The following SMG6 variants were observed in gnomAD, a reference collection of about 807,000 sequenced individuals.
The protein encoded by SMG6 is telomerase-binding protein EST1A.
In SMG6, 66 loss-of-function variants were observed where a neutral mutation model predicts 142.2. The ratio of observed to expected loss-of-function variants is 0.46; its 90% CI spans 0.38 to 0.57. The LOEUF is 0.57. Among genes scored for constraint, SMG6 ranks in the 20% least tolerant of loss-of-function variants. SMG6 has a pLI of 0.00. For synonymous variants in SMG6, 779 were observed against 702.4 expected (o/e 1.11, Z -1.72); for missense variants, 1,793 against 1,832.0 (o/e 0.98, Z 0.39).
chr17:2,296,175 T>C (rs2075138646), intron 4 of SMG6, among the ~76,000 whole-genome samples: 1 of 152,216 alleles, frequency 6.6e-6, no homozygotes, highest in Admixed American at 6.5e-5. Context: ...GCATAGCATA[T>C]GAGAGTTTAT....
At chr17:2,173,860 T>TG (rs1477578987) in intron 12 of SMG6, among the ~76,000 whole-genome samples, 9 of 144,344 alleles carry the variant, frequency 6.2e-5, no homozygotes, top group South Asian at 2.2e-4. Context: ...TTTTTTTTTT[T>TG]TTTTTTTTTT....
rs377078128 is a variant in SMG6 at position 2,065,452 on chromosome 17, T to C, written c.4047+16A>G. The C allele has an allele frequency of 6.2e-7, 1 of 1,607,900 alleles. No homozygotes were observed. Among genetic ancestry groups the C allele is most frequent in the African/African-American group, 1.3e-5 (1 of 74,802 alleles). ...AAGCTGGCTGTGGGCTTTCCCTTCC[T>C]GCCACAGGGTCTCACCAGCTGGCCA... On this transcript the variant is annotated intron_variant, in intron 17 of 18. Transcript: ENST00000263073.
intron 13 of SMG6, among the ~76,000 whole-genome samples, chr17:2,098,772 A>G (rs1366329223): frequency 1.3e-5 from 2 of 152,018 alleles, no homozygotes; most frequent in Non-Finnish European, 2.9e-5. Flanking sequence ...CTGGGATTAC[A>G]GGCACCCGCC....
At chr17:2,118,259 T>C (rs550784291) in intron 13 of SMG6, among the ~76,000 whole-genome samples, 1 of 149,782 alleles carries the variant, frequency 6.7e-6, no homozygotes, top group African/African-American at 2.5e-5. Context: ...ACAACAGGAA[T>C]GGGCGCAGTG....
At chr17:2,140,363 T>G (rs796967982) in intron 13 of SMG6, among the ~76,000 whole-genome samples, 8 of 152,346 alleles carry the variant, frequency 5.3e-5, no homozygotes, top group African/African-American at 1.9e-4. Flanking sequence ...GGCCTGACAC[T>G]TTATTTTTTT....
At chr17:2,163,193 TTA>T (rs1162457515) in intron 13 of SMG6, among the ~76,000 whole-genome samples, 1 of 152,068 alleles carries the variant, frequency 6.6e-6, no homozygotes, top group Non-Finnish European at 1.5e-5. Context: ...AAAGATTATT[TTA>T]TTTATTTTTT....
At position 2,068,740 on chromosome 17, in the gene SMG6, C is replaced by T. The variant is rs772298654; in HGVS notation, c.3835+38G>A. 2 of 1,601,690 alleles carry T rather than the reference C, an allele frequency of 1.2e-6. No individual in the cohort carries two copies. The highest frequency in any genetic ancestry group is 2.2e-5 in the East Asian group (1 of 44,758). On this transcript the variant is annotated intron_variant, in intron 16 of 18. Transcript: ENST00000263073. This position sits in a 1 kb window ranked among gnomAD's most constrained non-coding sequence, Gnocchi z 6.7. Reference sequence around the variant, plus strand: ...GGCGTGTGTGGAGGGGGCTGCTGTGCACATGCAAGGCCGCTCTGCCCTTCC... The same window carrying T: ...GGCGTGTGTGGAGGGGGCTGCTGTGTACATGCAAGGCCGCTCTGCCCTTCC...
In SMG6 at chr17:2,299,151, A is replaced by T; in HGVS notation, c.1602T>A (p.Pro534=). ...AAGGCCCTGGGTACACACCATTCGT[A>T]GGGCCCACTGGGTACTGTAGAGGGT... ...GYNPLQYPVG[P]TNGVYPGPYY... Residue 534 remains proline (P), a synonymous_variant, in exon 2 of 19, where the codon CCT becomes CCA. Transcript: ENST00000263073. The surrounding 1 kb of genome is among the most constrained non-coding windows in gnomAD (Gnocchi z 4.3). 6.2e-7 allele frequency: 1 copy of T among 1,613,024 alleles called. No homozygotes were observed.
intron 13 of SMG6, among the ~76,000 whole-genome samples, chr17:2,136,787 G>T (rs563332857): frequency 6.7e-6 from 1 of 148,758 alleles, no homozygotes; most frequent in African/African-American, 2.5e-5. Flanking sequence ...ATCCTTCTTG[G>T]TAAGTCCTTA....
In SMG6 at chr17:2,303,407, A is replaced by T. The variant is rs2075332028; in HGVS notation, c.88+226T>A. Reference sequence around the variant, plus strand: ...CGGCGAGAAAGAGGGTGGAGGCAGGAATTCGGGCCAGGCTCTCCCGGAGCT... The same window carrying T: ...CGGCGAGAAAGAGGGTGGAGGCAGGTATTCGGGCCAGGCTCTCCCGGAGCT... On this transcript the variant is annotated intron_variant, in intron 1 of 18. Transcript: ENST00000263073. 8 of 1,249,390 alleles carry T rather than the reference A, an allele frequency of 6.4e-6. No individual in the cohort carries two copies. The South Asian group carries it at 2.6e-4, about 40-fold the overall frequency. The allele number at this position is 1,249,390 out of a possible 1,614,324, so 77.4% of individuals were successfully genotyped here.
rs554569364 is a variant in SMG6, at chr17:2,236,545, A to G, written c.2816T>C (p.Met939Thr). 48 of 1,613,592 alleles carry G rather than the reference A, an allele frequency of 3.0e-5. No homozygotes were observed. Among genetic ancestry groups the G allele is most frequent in the Non-Finnish European group, 3.8e-5 (45 of 1,179,848 alleles). Reference sequence around the variant, plus strand: ...CATATTGATGGTCATAAGCTGCAGCATGCGGGTACTTCCAATGGGAGAGGG... The same window carrying G: ...CATATTGATGGTCATAAGCTGCAGCGTGCGGGTACTTCCAATGGGAGAGGG... Reference protein sequence around the residue: ...HSPSPIGSTRMLQLMTINMFA... With the variant: ...HSPSPIGSTRTLQLMTINMFA... Residue 939 changes from methionine to threonine, a missense_variant, in exon 10 of 19, where the codon ATG (methionine) becomes ACG (threonine). Transcript: ENST00000263073.
intron 10 of SMG6, among the ~76,000 whole-genome samples, chr17:2,210,760 AAAAAAAAATAAAAT>A (rs1456887954): frequency 4.5e-5 from 6 of 132,106 alleles, no homozygotes; most frequent in African/African-American, 2.0e-4. Context: ...CAAAAGCTTT[AAAAAAAAATAAAAT>A]AAAAAAAAAA....
chr17:2,079,585 G>A (rs1397107434), intron 15 of SMG6, among the ~76,000 whole-genome samples: 1 of 151,410 alleles, frequency 6.6e-6, no homozygotes, highest in African/African-American at 2.4e-5. Flanking sequence ...GCAGTGAGCT[G>A]AGATCACGAC....
In SMG6 at chr17:2,299,731, T is replaced by G. The variant is rs1885987; in HGVS notation, c.1022A>C (p.Asn341Thr). Residue 341 changes from asparagine (N) to threonine (T), a missense_variant, in exon 2 of 19, where the codon AAC becomes ACC. By Grantham distance (65) the Asn-to-Thr change is moderately conservative (BLOSUM62 0). Coordinates refer to ENST00000263073, the MANE Select transcript of SMG6 (RefSeq NM_017575.5). This position sits in a 1 kb window ranked among gnomAD's most constrained non-coding sequence, Gnocchi z 4.3. Reference sequence around the variant, plus strand: ...AGTGCCTCGATATTCTTTAGCACTGTTTTTCTGCTCACCCTCCCCACGGCC... The same window carrying G: ...AGTGCCTCGATATTCTTTAGCACTGGTTTTCTGCTCACCCTCCCCACGGCC... The part of the protein sequence containing the change: ...WSGRGEGEQK[N>T]SAKEYRGTLR... The G allele has an allele frequency of 0.35, 562,096 of 1,613,934 alleles. 103,675 individuals are homozygous for G. Among genetic ancestry groups the G allele is most frequent in the Admixed American group, 0.42 (25,298 of 59,970 alleles).
chr17:2,065,122 G>A lies in SMG6; in HGVS notation c.4080C>T (p.Cys1360=), dbSNP rs1322220235. The change falls in exon 18 of 19, where the codon TGC becomes TGT. Residue 1360 remains cysteine (C), a synonymous_variant. Transcript: ENST00000263073. ...GNNDDLILSC[C]LHYCKDKAKD... ...TAGCCTTGTCTTTGCAGTAGTGGAG[G>A]CAGCAGGACAGGATGAGATCATCGT... 1.2e-6 allele frequency: 2 copies of A among 1,613,788 alleles called. No individual in the cohort carries two copies. Among genetic ancestry groups the A allele is most frequent in the East Asian group, 2.2e-5 (1 of 44,900 alleles).
chr17:2,149,401 T>C (rs545536882), intron 13 of SMG6, among the ~76,000 whole-genome samples: 1 of 150,000 alleles, frequency 6.7e-6, no homozygotes, highest in Admixed American at 6.6e-5. Context: ...TTTTATCTTA[T>C]GTATATTTCA....
At chr17:2,190,730 C>A (rs2072134572) in intron 10 of SMG6, among the ~76,000 whole-genome samples, 1 of 151,908 alleles carries the variant, frequency 6.6e-6, no homozygotes, top group Non-Finnish European at 1.5e-5. Context: ...CCCAGGGCAG[C>A]AGCTAGAAGG....
intron 13 of SMG6, among the ~76,000 whole-genome samples, chr17:2,147,406 T>C (rs775116368): frequency 1.3e-5 from 2 of 151,704 alleles, no homozygotes; most frequent in Non-Finnish European, 2.9e-5. Context: ...AAAACAGCTA[T>C]AGGTTATAGG....
chr17:2,280,560 G>A (rs1172849869), intron 8 of SMG6: 1 of 983,234 alleles, frequency 1.0e-6, no homozygotes, highest in Admixed American at 6.2e-5. Context: ...ACCGCGTCAG[G>A]CCAGAAACTG....
Sources: gnomAD v4.1 joint callset for allele counts (sites outside exome capture counted in the v4.1 genomes callset) on GRCh38, gnomAD v4.1.1 for gene constraint, Gnocchi (gnomAD v3.1) non-coding constraint, MANE v1.5 for transcripts, NCBI Gene and HGNC (gene_info 2026-07-23, HGNC 2026-07-21) for gene names.